The following AGXT2 variants were observed in gnomAD, a reference collection of about 807,000 sequenced individuals.
AGXT2 encodes the protein alanine--glyoxylate aminotransferase 2, mitochondrial.
In AGXT2, 61 loss-of-function variants were observed where a neutral mutation model predicts 62.5. The observed-to-expected ratio is 0.98, with a 90% CI of 0.79 to 1.21. AGXT2 has a LOEUF of 1.21. AGXT2 is among the 50% of genes most tolerant of loss of function. The pLI is 0.00. For synonymous variants in AGXT2, 243 were observed against 218.7 expected, an observed-to-expected ratio of 1.11 and a Z score of -0.98; for missense variants, 666 against 641.5, an observed-to-expected ratio of 1.04 and a Z score of -0.41.
intron 13 of AGXT2, among the ~76,000 whole-genome samples, chr5:34,999,363 TCTC>T (rs1362951136): frequency 6.6e-6 from 1 of 152,138 alleles, no homozygotes; most frequent in Non-Finnish European, 1.5e-5. Flanking sequence ...TCCACTCAGG[TCTC>T]CTCCTTCCTT....
chr5:35,006,353 A>G (rs1004428539), intron 12 of AGXT2, among the ~76,000 whole-genome samples: 1 of 152,218 alleles, frequency 6.6e-6, no homozygotes, highest in African/African-American at 2.4e-5. Context: ...TGGGTAATTT[A>G]TAAAGAAAAG....
At chr5:35,045,860 C>T (rs549570666) in intron 1 of AGXT2, among the ~76,000 whole-genome samples, 12 of 151,086 alleles carry the variant, frequency 7.9e-5, no homozygotes, top group Admixed American at 5.9e-4. Context: ...CTCCGACTCC[C>T]GGGTTCAAGC....
At chr5:35,004,917 G>A (rs1015435729) in intron 12 of AGXT2, among the ~76,000 whole-genome samples, 3 of 152,110 alleles carry the variant, frequency 2.0e-5, no homozygotes, top group Non-Finnish European at 4.4e-5. Flanking sequence ...AGAATAAGAT[G>A]GGACCTCCTA....
At position 35,025,767 on chromosome 5, in the gene AGXT2, T is replaced by TGTGG; in HGVS notation, c.958_959insCCAC (p.Asp320AlafsTer3). The TGTGG allele has an allele frequency of 6.2e-7, 1 of 1,614,124 alleles. No homozygotes were observed. The highest frequency in any genetic ancestry group is 8.5e-7 in the Non-Finnish European group (1 of 1,179,988). On this transcript the variant is annotated frameshift_variant, in exon 9 of 14. Coordinates refer to ENST00000231420, the MANE Select transcript of AGXT2 (RefSeq NM_031900.4). LOFTEE classifies it high-confidence loss of function. ...GCACCCTTACATGCCACTTACTTCA[T>TGTGG]CTGCAATGCACACGCCTCCCCTTGC...
chr5:35,009,853 T>C lies in AGXT2; in HGVS notation c.1338+147A>G, dbSNP rs371656352. 165 of 1,055,910 alleles carry C rather than the reference T, an allele frequency of 1.6e-4. 1 individual carries two copies. The African/African-American group carries it at 2.5e-3, about 16-fold the overall frequency. The allele number at this position is 1,055,910 out of a possible 1,614,324, so 65.4% of individuals were successfully genotyped here. A position where few individuals can be genotyped will look rare whatever the true frequency, so the allele number is the denominator to read the frequency against. On this transcript the variant is annotated intron_variant, in intron 12 of 13. Transcript: ENST00000231420. ...CCAGCATTTTGTTCATACTCAACAC[T>C]CTCTACTAATCTCTAAAGGGCTTTG...
At chr5:35,020,025 A>G (rs1197462679) in intron 9 of AGXT2, among the ~76,000 whole-genome samples, 2 of 152,246 alleles carry the variant, frequency 1.3e-5, no homozygotes, top group East Asian at 3.8e-4. Flanking sequence ...TAAACCAGGA[A>G]GAAATTGAAT....
At chr5:35,026,591 C>G (rs1346671396) in intron 7 of AGXT2, 81 bp from the exon 8 acceptor site, 1 of 1,229,568 alleles carries the variant, frequency 8.1e-7, no homozygotes, top group Non-Finnish European at 1.2e-6. Flanking sequence ...TGGGGAAAAA[C>G]AGGAAAAAAA....
In AGXT2 at chr5:35,010,517, T is replaced by TA. The variant is rs201418531; in HGVS notation, c.1189-369dup. On this transcript the variant is annotated intron_variant, in intron 11 of 13. Transcript: ENST00000231420. ...ATAGGGTGAAACCCCGTCTCTACTT[T>TA]AAAAAAAAAATACAAAAATTAGCAG... is the stretch of plus-strand genomic sequence containing the variant. Among the ~76,000 whole-genome samples the TA allele has an allele frequency of 4.7e-3, 704 of 148,868 alleles. 6 individuals are homozygous for TA. The highest frequency in any genetic ancestry group is 0.016 in the African/African-American group (651 of 40,458).
At chr5:35,031,976 G>T (rs1382386856) in intron 7 of AGXT2, among the ~76,000 whole-genome samples, 1 of 132,558 alleles carries the variant, frequency 7.5e-6, no homozygotes, top group Admixed American at 8.0e-5. Flanking sequence ...TTTTTGAGAT[G>T]GAGTCTTGTT....
chr5:35,010,931 G>T (rs1002207228), intron 11 of AGXT2, among the ~76,000 whole-genome samples: 1 of 152,208 alleles, frequency 6.6e-6, no homozygotes, highest in Admixed American at 6.5e-5. Context: ...CCTGGTCTGA[G>T]GCTCTGGCCT....
chr5:35,031,943 CTTTTTTTTT>C (rs35937337), intron 7 of AGXT2, among the ~76,000 whole-genome samples: 3 of 108,472 alleles, frequency 2.8e-5, no homozygotes, highest in African/African-American at 1.1e-4. Flanking sequence ...TGGGATCTTG[CTTTTTTTTT>C]TTTTTTTTTT....
intron 13 of AGXT2, among the ~76,000 whole-genome samples, chr5:35,001,486 G>C (rs760423274): frequency 4.6e-5 from 7 of 152,184 alleles, no homozygotes; most frequent in Non-Finnish European, 8.8e-5. Flanking sequence ...ACCTGAGTTT[G>C]GATCCTGGTT....
intron 7 of AGXT2, among the ~76,000 whole-genome samples, chr5:35,028,016 T>C (rs1029500474): frequency 6.6e-6 from 1 of 151,726 alleles, no homozygotes; most frequent in Non-Finnish European, 1.5e-5. Flanking sequence ...GCTCCAGCTT[T>C]GTGGCAGGGG....
chr5:35,034,134 G>A lies in AGXT2; in HGVS notation c.582-581C>T, dbSNP rs545117250. Among the ~76,000 whole-genome samples, 130 of 152,176 alleles carry A rather than the reference G, an allele frequency of 8.5e-4. No homozygotes were observed. In the South Asian group the frequency reaches 0.016, roughly 18 times the overall value. ...CACCTTTAAACAAGGATTTAGGACC[G>A]TTAAGACTATTCAAAAGAATGGTTG... is the stretch of plus-strand genomic sequence containing the variant. On this transcript the variant is annotated intron_variant, in intron 5 of 13. Coordinates refer to ENST00000231420, the MANE Select transcript of AGXT2 (RefSeq NM_031900.4).
rs566093838 is a variant in AGXT2 at position 35,014,312 on chromosome 5, G to C, written c.964-193C>G. ...TCTAAAAATACAAAAAATTAGCCGG[G>C]CACAGTGGCAGGTGCCTGTAATCCC... On this transcript the variant is annotated intron_variant, in intron 9 of 13. Coordinates refer to ENST00000231420, the MANE Select transcript of AGXT2 (RefSeq NM_031900.4). 3.9e-5 allele frequency among the ~76,000 whole-genome samples: 6 copies of C among 151,946 alleles called. No homozygotes were observed. The East Asian group carries it at 1.2e-3, about 29-fold the overall frequency.
chr5:35,033,706 A>C (rs893099470), intron 5 of AGXT2, among the ~76,000 whole-genome samples, 153 bp from the exon 6 acceptor site: 7 of 149,680 alleles, frequency 4.7e-5, no homozygotes, highest in African/African-American at 1.5e-4. Context: ...ATGTCGGATC[A>C]ATGTACTTAA....
chr5:35,039,828 A>G (rs1157856657), intron 2 of AGXT2, among the ~76,000 whole-genome samples: 1 of 152,272 alleles, frequency 6.6e-6, no homozygotes, highest in Non-Finnish European at 1.5e-5. Flanking sequence ...GTCTGAACTA[A>G]TAAGCAATTA....
intron 13 of AGXT2, among the ~76,000 whole-genome samples, 179 bp from the exon 14 acceptor site, chr5:34,999,005 T>A (rs1436988777): frequency 6.6e-6 from 1 of 152,190 alleles, no homozygotes; most frequent in Non-Finnish European, 1.5e-5. Flanking sequence ...CCAGTCTCCA[T>A]ACAAACCCTT....
At chr5:35,033,594 G>A (rs1233698280) in intron 5 of AGXT2, 41 bp from the exon 6 acceptor site, 1 of 1,509,844 alleles carries the variant, frequency 6.6e-7, no homozygotes, top group South Asian at 1.1e-5. Flanking sequence ...TCAAGTTCCT[G>A]GTCCACTGAG....
Sources: allele counts gnomAD v4.1 joint callset (sites outside exome capture counted in the v4.1 genomes callset), GRCh38; gene constraint gnomAD v4.1.1; transcripts MANE v1.5; gene names NCBI Gene and HGNC (gene_info 2026-07-23, HGNC 2026-07-21).